The following MAPT variants were observed in gnomAD, a reference collection of about 807,000 sequenced individuals.
MAPT encodes the protein microtubule-associated protein tau.
In MAPT, 34 loss-of-function variants were observed where a neutral mutation model predicts 67.9. The observed-to-expected ratio is 0.50, with a 90% CI of 0.38 to 0.67. The LOEUF (loss-of-function observed/expected upper bound fraction) is 0.67. Ranked by LOEUF, MAPT falls within the 30% of genes least tolerant of loss-of-function variation. The pLI is 0.00. For synonymous variants in MAPT, 456 were observed against 464.5 expected, an observed-to-expected ratio of 0.98 and a Z score of 0.23; for missense variants, 881 against 1,115.2, an observed-to-expected ratio of 0.79 and a Z score of 2.99.
At chr17:45,997,511 G>T (rs1163112583) in intron 9 of MAPT, among the ~76,000 whole-genome samples, 1 of 152,176 alleles carries the variant, frequency 6.6e-6, no homozygotes, top group Non-Finnish European at 1.5e-5. Context: ...TATAATCCCA[G>T]CACTTTGGGA....
chr17:45,964,196 G>T (rs112058117), intron 2 of MAPT, among the ~76,000 whole-genome samples: 21,420 of 150,582 alleles, frequency 0.14, 2,088 homozygotes, highest in Non-Finnish European at 0.22. Context: ...CCTTTGTTTT[G>T]TTTTTTTTTG....
chr17:45,969,301 T>C (rs1472489791), intron 2 of MAPT: 5 of 152,214 alleles, frequency 3.3e-5, no homozygotes, highest in Non-Finnish European at 7.3e-5. Flanking sequence ...GACTAAGAGG[T>C]ACTGGCAAAG....
At chr17:45,918,340 C>A (rs1462380625) in intron 1 of MAPT, among the ~76,000 whole-genome samples, 1 of 152,144 alleles carries the variant, frequency 6.6e-6, no homozygotes, top group Non-Finnish European at 1.5e-5. Flanking sequence ...CTCTGCAGAG[C>A]CAGTAAGATG....
chr17:45,984,017 C>G, intron 5 of MAPT, 87 bp downstream of exon 5: 1 of 1,145,622 alleles, frequency 8.7e-7, no homozygotes, highest in Non-Finnish European at 1.2e-6. Context: ...TTCCAGGCCT[C>G]CCGACTCCTG....
At chr17:45,957,047 G>A (rs1217634133) in intron 1 of MAPT, among the ~76,000 whole-genome samples, 20 of 151,884 alleles carry the variant, frequency 1.3e-4, no homozygotes, top group East Asian at 3.9e-4. Flanking sequence ...GAATAGTGCC[G>A]CAATAAACAT....
rs2076327326 is a variant in MAPT at position 46,018,479 on chromosome 17, G to A, written c.2174-139G>A. 6.4e-6 allele frequency: 5 copies of A among 777,790 alleles called. No homozygotes were observed. The Admixed American group carries it at 8.6e-5, about 13-fold the overall frequency. 48.2% of individuals were successfully genotyped at this position (777,790 alleles called of 1,614,324 possible). On this transcript the variant is annotated intron_variant, in intron 11 of 12. Coordinates refer to ENST00000262410, the MANE Select transcript of MAPT (RefSeq NM_001377265.1). ...TTGTCTTCTTCCCTCCAGAGCAGTG[G>A]CACCCAATCTAATTTTTGCTGTGCC... is the stretch of plus-strand genomic sequence containing the variant.
At chr17:45,907,548 A>C (rs945065895) in intron 1 of MAPT, 29 of 152,344 alleles carry the variant, frequency 1.9e-4, no homozygotes, top group Admixed American at 1.7e-3. Context: ...TTATTAACAC[A>C]GTTGGATGTT....
intron 1 of MAPT, among the ~76,000 whole-genome samples, chr17:45,946,584 G>A (rs1016483051): frequency 1.7e-5 from 2 of 119,102 alleles, no homozygotes; most frequent in East Asian, 4.1e-4. Flanking sequence ...GGGCGACCGA[G>A]GGGGACTCTG....
chr17:46,012,046 GC>G, intron 10 of MAPT, among the ~76,000 whole-genome samples: 1 of 152,288 alleles, frequency 6.6e-6, no homozygotes, highest in South Asian at 2.1e-4. Context: ...CCCTGCCCGG[GC>G]CCTTGTTCCT....
chr17:45,915,470 G>A lies in MAPT; in HGVS notation c.-18+20784G>A, dbSNP rs907729058. Among the ~76,000 whole-genome samples, 28 of 147,154 alleles carry A rather than the reference G, an allele frequency of 1.9e-4. No homozygotes were observed. The highest frequency in any genetic ancestry group is 3.5e-4 in the Non-Finnish European group (23 of 65,464). On this transcript the variant is annotated intron_variant, in intron 1 of 12. Transcript: ENST00000262410. This position sits in a 1 kb window ranked among gnomAD's most constrained non-coding sequence, Gnocchi z 4.4. Reference sequence around the variant, plus strand: ...TGTGTGAGTGTGTATGTTTGAGCATGTGTGGTGTGTTGTGATATGTGTGTG... The same window carrying A: ...TGTGTGAGTGTGTATGTTTGAGCATATGTGGTGTGTTGTGATATGTGTGTG...
chr17:45,973,807 G>A (rs1230375249), intron 3 of MAPT: 1 of 154,732 alleles, frequency 6.5e-6, no homozygotes, highest in East Asian at 1.9e-4. Flanking sequence ...CTCTGGACAG[G>A]AGCGGACCTA....
chr17:45,902,306 G>A (rs1452172239), intron 1 of MAPT, among the ~76,000 whole-genome samples: 1 of 152,100 alleles, frequency 6.6e-6, no homozygotes, highest in African/African-American at 2.4e-5. Flanking sequence ...TCTGACCCAA[G>A]TGATCCACCC....
intron 6 of MAPT, among the ~76,000 whole-genome samples, chr17:45,989,140 T>C (rs2145732495): frequency 6.6e-6 from 1 of 152,130 alleles, no homozygotes; most frequent in African/African-American, 2.4e-5. Context: ...TTGCCTGGAA[T>C]TGAGTAGAAA....
chr17:45,976,472 G>A (rs1343498644), intron 3 of MAPT: 1 of 152,286 alleles, frequency 6.6e-6, no homozygotes, highest in South Asian at 2.1e-4. Context: ...AGGTTCTAGA[G>A]TTGGGTGCAT....
chr17:45,898,051 G>A (rs62056790), intron 1 of MAPT: 21,816 of 152,220 alleles, frequency 0.14, 2,126 homozygotes, highest in Middle Eastern at 0.22. Flanking sequence ...CTCCCTCTAC[G>A]TAAACAAATT....
intron 12 of MAPT, 27 bp from the exon 13 acceptor site, chr17:46,023,929 A>G: frequency 6.2e-7 from 1 of 1,601,212 alleles, no homozygotes; most frequent in East Asian, 2.2e-5. Context: ...ACTTCATCTC[A>G]CCCTCCCTCC....
intron 9 of MAPT, chr17:45,999,729 A>C (rs2074839882): frequency 5.9e-6 from 8 of 1,361,440 alleles, no homozygotes; most frequent in East Asian, 4.7e-5. Flanking sequence ...AGCACGTCCA[A>C]ATCTACTAAA....
intron 9 of MAPT, among the ~76,000 whole-genome samples, chr17:46,001,774 CCCAGGGTCCAGG>C (rs1244167141): frequency 6.6e-6 from 1 of 152,162 alleles, no homozygotes; most frequent in Non-Finnish European, 1.5e-5. Flanking sequence ...AGCTTTTGCC[CCCAGGGTCCAGG>C]CCAGGGGACA....
At chr17:45,904,187 T>G (rs2064033929) in intron 1 of MAPT, among the ~76,000 whole-genome samples, 1 of 39,018 alleles carries the variant, frequency 2.6e-5, no homozygotes, top group African/African-American at 9.2e-5. Context: ...TATAATATAT[T>G]GTATATATTA....
Sources: allele counts gnomAD v4.1 joint callset (sites outside exome capture counted in the v4.1 genomes callset), GRCh38; gene constraint gnomAD v4.1.1; non-coding constraint Gnocchi (gnomAD v3.1); transcripts MANE v1.5; gene names NCBI Gene and HGNC (gene_info 2026-07-23, HGNC 2026-07-21).